MID1: variants seen among roughly 807,000 people sequenced by gnomAD.
MID1 encodes E3 ubiquitin-protein ligase Midline-1.
A neutral mutation model predicts 40.4 loss-of-function variants in MID1; 7 were observed. The observed-to-expected ratio is 0.17, with a 90% confidence interval of 0.10 to 0.33. MID1 has a LOEUF of 0.33. Among genes scored for constraint, MID1 ranks in the 10% least tolerant of loss-of-function variants. The pLI, the probability that MID1 is intolerant of heterozygous loss-of-function variation, is 1.00. For missense variants in MID1, 367 were observed against 558.5 expected (o/e 0.66, Z 3.46); for synonymous variants, 229 against 221.2 (o/e 1.04, Z -0.31).
At chrX:10,734,455 C>T (rs1216887565) in intron 1 of MID1, among the ~76,000 whole-genome samples, 1 of 109,495 alleles carries the variant, frequency 9.1e-6, no homozygotes, top group African/African-American at 3.3e-5. Context: ...TTAATTAATA[C>T]CTGGGTGATG....
intron 5 of MID1, chrX:10,475,343 C>T: frequency 3.6e-6 from 1 of 277,476 alleles, no homozygotes; most frequent in Non-Finnish European, 6.9e-6. Context: ...TTTTCTTGCA[C>T]CATATTCCCA....
intron 1 of MID1, among the ~76,000 whole-genome samples, chrX:10,749,892 C>T (rs1401039324): frequency 9.0e-6 from 1 of 111,532 alleles, no homozygotes; most frequent in Non-Finnish European, 1.9e-5. Flanking sequence ...CCAGTCCCCA[C>T]CTCCAATACT....
At chrX:10,685,451 C>T (rs1287076056) in intron 1 of MID1, among the ~76,000 whole-genome samples, 6 of 112,099 alleles carry the variant, frequency 5.4e-5, no homozygotes, top group Non-Finnish European at 1.1e-4. Context: ...TCTAACTTTC[C>T]CTCCACCTTA....
intron 1 of MID1, among the ~76,000 whole-genome samples, chrX:10,793,029 T>C (rs745604213): frequency 1.1e-4 from 12 of 112,274 alleles, no homozygotes; most frequent in Non-Finnish European, 2.3e-4. Context: ...CTAAGAAGAT[T>C]TGGAAACTGA....
intron 1 of MID1, among the ~76,000 whole-genome samples, chrX:10,602,269 A>T (rs1367519438): frequency 3.0e-5 from 3 of 100,981 alleles, no homozygotes; most frequent in Admixed American, 1.0e-4. Context: ...TTTTAAAAAA[A>T]TTTTTAAATG....
intron 4 of MID1, among the ~76,000 whole-genome samples, chrX:10,491,163 T>C (rs1343838357): frequency 8.9e-6 from 1 of 112,006 alleles, no homozygotes; most frequent in Admixed American, 9.5e-5. Context: ...ATACTGTCTC[T>C]GTCACACATA....
chrX:10,794,828 T>C, intron 1 of MID1, among the ~76,000 whole-genome samples: 1 of 112,179 alleles, frequency 8.9e-6, no homozygotes, highest in South Asian at 3.7e-4. Context: ...GGGTGTTTTT[T>C]TTCCTTTTTA....
intron 1 of MID1, among the ~76,000 whole-genome samples, chrX:10,720,732 T>C (rs753602309): frequency 5.7e-4 from 63 of 111,325 alleles, no homozygotes; most frequent in African/African-American, 2.0e-3. Flanking sequence ...CATGCTGTTA[T>C]AAAGACACAT....
intron 1 of MID1, among the ~76,000 whole-genome samples, chrX:10,673,705 A>T (rs1251641055): frequency 1.8e-5 from 2 of 110,677 alleles, no homozygotes. Context: ...AGAGCAATAT[A>T]GAAGTGTGCT....
chrX:10,626,439 G>A, intron 1 of MID1, among the ~76,000 whole-genome samples: 2 of 110,139 alleles, frequency 1.8e-5, no homozygotes, highest in South Asian at 8.0e-4. Flanking sequence ...TCCTGGGCAC[G>A]AGCCATCCTC....
At chrX:10,597,070 C>G (rs946362603) in intron 1 of MID1, among the ~76,000 whole-genome samples, 10 of 110,654 alleles carry the variant, frequency 9.0e-5, no homozygotes, top group African/African-American at 3.3e-4. Context: ...GAATGGCTAA[C>G]TTTTTAAATA....
intron 1 of MID1, among the ~76,000 whole-genome samples, chrX:10,609,920 G>A (rs969941222): frequency 3.6e-5 from 4 of 110,418 alleles, no homozygotes; most frequent in Admixed American, 1.9e-4. Flanking sequence ...GGGTTTCACC[G>A]TGTTAGCCAG....
chrX:10,756,756 T>C (rs2043635484), intron 1 of MID1, among the ~76,000 whole-genome samples: 1 of 112,233 alleles, frequency 8.9e-6, no homozygotes, highest in Non-Finnish European at 1.9e-5. Context: ...ATTCATCAGA[T>C]ATAAAGTCAG....
In MID1 at chrX:10,693,655, T is replaced by C. The variant is rs146333201; in HGVS notation, c.-186-73236A>G. ...GTACATCTATTTTTAGGATTAGACA[T>C]GTTGATATTTAAAATCTGAATGAAT... On this transcript the variant is annotated intron_variant, in intron 1 of 10. Transcript: ENST00000380785. 5.5e-4 allele frequency among the ~76,000 whole-genome samples: 61 copies of C among 111,819 alleles called. No individual in the cohort carries two copies. The East Asian group carries it at 0.016, about 29-fold the overall frequency.
intron 4 of MID1, among the ~76,000 whole-genome samples, chrX:10,493,041 C>G (rs1237615650): frequency 2.7e-5 from 3 of 111,589 alleles, no homozygotes; most frequent in Non-Finnish European, 5.6e-5. Context: ...GTGGAGTGCC[C>G]TTGCAGGCTG....
chrX:10,721,719 TA>T (rs55797465), intron 1 of MID1, among the ~76,000 whole-genome samples: 38,803 of 92,056 alleles, frequency 0.42, 6,496 homozygotes, highest in Non-Finnish European at 0.51. Context: ...GATTTAAATC[TA>T]AAAAAAAAAA....
chrX:10,587,339 C>T (rs982546330), intron 1 of MID1, among the ~76,000 whole-genome samples: 3 of 112,987 alleles, frequency 2.7e-5, no homozygotes, highest in African/African-American at 9.6e-5. Context: ...TTCTTAAGCT[C>T]ATCGCATCCC....
intron 4 of MID1, among the ~76,000 whole-genome samples, chrX:10,490,867 T>C (rs993978874): frequency 1.4e-4 from 16 of 112,379 alleles, no homozygotes; most frequent in Non-Finnish European, 1.3e-4. Flanking sequence ...AAATGTCTTC[T>C]GCTTTTAAAT....
intron 4 of MID1, among the ~76,000 whole-genome samples, chrX:10,486,569 C>T (rs758110161): frequency 7.2e-4 from 80 of 111,789 alleles, no homozygotes; most frequent in African/African-American, 2.5e-3. Context: ...GGACTTGAGT[C>T]ACTGTGAGTT....
Sources: allele counts gnomAD v4.1 joint callset (sites outside exome capture counted in the v4.1 genomes callset), GRCh38; gene constraint gnomAD v4.1.1; transcripts MANE v1.5; gene names NCBI Gene and HGNC (gene_info 2026-07-23, HGNC 2026-07-21).